Variants in THSD7B observed in about 807,000 individuals in gnomAD.
The protein encoded by THSD7B is thrombospondin type-1 domain-containing protein 7B.
A neutral mutation model predicts 213.6 loss-of-function variants in THSD7B; 138 were observed. The observed-to-expected ratio is 0.65, with a 90% CI of 0.56 to 0.74. The LOEUF is 0.74. Among genes scored for constraint, THSD7B ranks in the 30% least tolerant of loss-of-function variants. THSD7B has a pLI of 0.00. For synonymous variants in THSD7B, 742 were observed against 687.0 expected (o/e 1.08, Z -1.25); for missense variants, 1,931 against 1,991.5 (o/e 0.97, Z 0.58).
chr2:137,221,952 G>C (rs1313050378), intron 7 of THSD7B, among the ~76,000 whole-genome samples: 2 of 152,178 alleles, frequency 1.3e-5, no homozygotes, highest in East Asian at 3.8e-4. Context: ...GAGCTAGCTA[G>C]GCAGCTAAAT....
intron 15 of THSD7B, among the ~76,000 whole-genome samples, chr2:137,496,008 A>T (rs542079093): frequency 1.7e-3 from 94 of 55,460 alleles, no homozygotes; most frequent in Middle Eastern, 7.6e-3. Context: ...CTCAATTTAG[A>T]CTCAATTATT....
At chr2:137,135,049 G>T (rs762204716) in intron 5 of THSD7B, among the ~76,000 whole-genome samples, 1 of 152,084 alleles carries the variant, frequency 6.6e-6, no homozygotes, top group African/African-American at 2.4e-5. Flanking sequence ...ACAGCCTTGC[G>T]AGTCTGTTGT....
chr2:137,613,439 C>T (rs1464522594), intron 17 of THSD7B, among the ~76,000 whole-genome samples: 1 of 152,026 alleles, frequency 6.6e-6, no homozygotes, highest in Non-Finnish European at 1.5e-5. Flanking sequence ...CTAGAGATAA[C>T]AAAATACGTG....
At chr2:137,256,940 G>C (rs544114726) in intron 10 of THSD7B, among the ~76,000 whole-genome samples, 1 of 152,094 alleles carries the variant, frequency 6.6e-6, no homozygotes, top group Non-Finnish European at 1.5e-5. Context: ...CAAGGGTGAG[G>C]GTCCGCATTT....
intron 12 of THSD7B, among the ~76,000 whole-genome samples, chr2:137,364,992 AC>A (rs1402446338): frequency 7.9e-5 from 12 of 152,160 alleles, no homozygotes; most frequent in Non-Finnish European, 1.8e-4. Flanking sequence ...TTCAAACTAT[AC>A]TACAATGCTA....
intron 1 of THSD7B, among the ~76,000 whole-genome samples, chr2:136,804,233 T>C (rs189950224): frequency 7.2e-5 from 11 of 152,336 alleles, no homozygotes; most frequent in Non-Finnish European, 1.5e-4. Flanking sequence ...TAATTACCTT[T>C]CTATGTTCAG....
intron 2 of THSD7B, among the ~76,000 whole-genome samples, chr2:137,024,880 C>T (rs1206690482): frequency 2.6e-5 from 4 of 152,170 alleles, no homozygotes; most frequent in African/African-American, 9.7e-5. Context: ...TCAGCTTTAA[C>T]TCCAAGATAT....
At chr2:136,971,639 T>TACACACACACACACAC (rs6146927) in intron 2 of THSD7B, among the ~76,000 whole-genome samples, 9,053 of 135,166 alleles carry the variant, frequency 0.067, 537 homozygotes, top group Non-Finnish European at 0.093. Flanking sequence ...CAACAACAAA[T>TACACACACACACACAC]ACACACACAC....
At chr2:137,266,404 T>C (rs574906863) in intron 10 of THSD7B, among the ~76,000 whole-genome samples, 78 of 152,298 alleles carry the variant, frequency 5.1e-4, no homozygotes, top group Non-Finnish European at 8.2e-4. Flanking sequence ...AAAGCATTGG[T>C]GTCATCCTTT....
At chr2:137,215,990 G>A (rs921570388) in intron 7 of THSD7B, among the ~76,000 whole-genome samples, 1 of 152,046 alleles carries the variant, frequency 6.6e-6, no homozygotes, top group Non-Finnish European at 1.5e-5. Flanking sequence ...TTTTCTGCCT[G>A]GGTACTCAAT....
chr2:137,588,799 TTTC>T (rs1681801209), intron 17 of THSD7B, among the ~76,000 whole-genome samples: 16 of 150,986 alleles, frequency 1.1e-4, no homozygotes, highest in Admixed American at 7.3e-4. Context: ...TTTATTTATT[TTTC>T]GAGATGGAGT....
chr2:136,790,911 A>G (rs761680605), intron 1 of THSD7B, among the ~76,000 whole-genome samples: 73 of 152,048 alleles, frequency 4.8e-4, no homozygotes, highest in Non-Finnish European at 9.4e-4. Context: ...TATTCACTCA[A>G]TAGAGGGAAA....
At chr2:137,582,062 C>T (rs912310795) in intron 17 of THSD7B, among the ~76,000 whole-genome samples, 11 of 151,808 alleles carry the variant, frequency 7.2e-5, no homozygotes, top group African/African-American at 1.7e-4. Flanking sequence ...GCTAAGATGG[C>T]GCCACTGCAC....
intron 1 of THSD7B, among the ~76,000 whole-genome samples, chr2:136,786,924 A>G (rs1681864423): frequency 6.6e-6 from 1 of 152,194 alleles, no homozygotes; most frequent in Non-Finnish European, 1.5e-5. Context: ...GGCATAGTAT[A>G]TTTAAAAAAA....
At chr2:136,868,113 C>T (rs569301409) in intron 1 of THSD7B, among the ~76,000 whole-genome samples, 12 of 138,514 alleles carry the variant, frequency 8.7e-5, no homozygotes, top group African/African-American at 1.7e-4. Context: ...CACACACACA[C>T]GCGCGCGCAC....
At chr2:137,627,682 C>T (rs1682656952) in intron 20 of THSD7B, among the ~76,000 whole-genome samples, 1 of 152,180 alleles carries the variant, frequency 6.6e-6, no homozygotes, top group Non-Finnish European at 1.5e-5. Context: ...GAGCCAAAAA[C>T]TGTAGCCAGG....
At chr2:136,852,944 G>A (rs1297211473) in intron 1 of THSD7B, among the ~76,000 whole-genome samples, 1 of 152,070 alleles carries the variant, frequency 6.6e-6, no homozygotes, top group Admixed American at 6.6e-5. Flanking sequence ...CAGAAAGGTT[G>A]AAAGTACTTC....
At chr2:137,213,923 T>A (rs1220966574) in intron 7 of THSD7B, among the ~76,000 whole-genome samples, 2 of 152,162 alleles carry the variant, frequency 1.3e-5, no homozygotes, top group Non-Finnish European at 2.9e-5. Context: ...TCTTATAAGC[T>A]TGACATTTTT....
chr2:137,262,153 G>A (rs1323023242), intron 10 of THSD7B, among the ~76,000 whole-genome samples: 1 of 152,096 alleles, frequency 6.6e-6, no homozygotes, highest in Non-Finnish European at 1.5e-5. Flanking sequence ...CATTCTTAAG[G>A]ACATAAAGCA....
Sources: allele counts gnomAD v4.1 joint callset (sites outside exome capture counted in the v4.1 genomes callset), GRCh38; gene constraint gnomAD v4.1.1; transcripts MANE v1.5; gene names NCBI Gene and HGNC (gene_info 2026-07-23, HGNC 2026-07-21).